The following NELL1 variants were observed in gnomAD, a reference collection of about 807,000 sequenced individuals.
NELL1 encodes protein kinase C-binding protein NELL1.
Under a neutral mutation model 107.4 loss-of-function variants are expected in NELL1, and 76 were observed. The observed-to-expected ratio is 0.71, with a 90% confidence interval of 0.59 to 0.86. The LOEUF (loss-of-function observed/expected upper bound fraction) is 0.86. Among genes scored for constraint, NELL1 ranks in the 40% least tolerant of loss-of-function variants. The pLI, the probability that NELL1 is intolerant of heterozygous loss-of-function variation, is 0.00. For synonymous variants in NELL1, 353 were observed against 341.2 expected (o/e 1.03, Z -0.38); for missense variants, 1,024 against 1,005.5 (o/e 1.02, Z -0.25).
At chr11:21,418,945 GTTGT>G (rs1424352568) in intron 15 of NELL1, among the ~76,000 whole-genome samples, 1 of 152,084 alleles carries the variant, frequency 6.6e-6, no homozygotes, top group African/African-American at 2.4e-5. Flanking sequence ...AGATGTTGAG[GTTGT>G]TTATTACTAC....
chr11:21,222,886 G>T (rs1186517719), intron 13 of NELL1, among the ~76,000 whole-genome samples: 1 of 151,742 alleles, frequency 6.6e-6, no homozygotes, highest in Non-Finnish European at 1.5e-5. Context: ...TTCTAGTTTT[G>T]TTCCATTGTG....
intron 16 of NELL1, among the ~76,000 whole-genome samples, chr11:21,541,394 A>G (rs1287708166): frequency 5.3e-5 from 8 of 152,150 alleles, no homozygotes; most frequent in African/African-American, 1.7e-4. Context: ...TGAAACAACC[A>G]AAAATGTTCC....
At chr11:21,159,155 A>G (rs1157025219) in intron 13 of NELL1, among the ~76,000 whole-genome samples, 1 of 152,056 alleles carries the variant, frequency 6.6e-6, no homozygotes, top group Non-Finnish European at 1.5e-5. Flanking sequence ...GTTCTCTAGA[A>G]CTGAACTCCA....
chr11:21,247,549 CA>C (rs764273788), intron 14 of NELL1, among the ~76,000 whole-genome samples: 11 of 152,128 alleles, frequency 7.2e-5, no homozygotes, highest in Admixed American at 2.6e-4. Flanking sequence ...AGAGGGTCTT[CA>C]GGGGCAATAG....
chr11:21,412,211 T>A, intron 15 of NELL1, among the ~76,000 whole-genome samples: 1 of 152,244 alleles, frequency 6.6e-6, no homozygotes, highest in Non-Finnish European at 1.5e-5. Flanking sequence ...GAAATTATAG[T>A]TATAAAAAAT....
chr11:21,565,216 C>G (rs1856942477), intron 17 of NELL1, among the ~76,000 whole-genome samples: 1 of 151,838 alleles, frequency 6.6e-6, no homozygotes, highest in African/African-American at 2.4e-5. Flanking sequence ...GTTTCTTTTC[C>G]TTGGAAAGAG....
At chr11:21,251,254 G>A (rs547731198) in intron 14 of NELL1, among the ~76,000 whole-genome samples, 1 of 152,192 alleles carries the variant, frequency 6.6e-6, no homozygotes, top group Admixed American at 6.5e-5. Context: ...GACAGTATGT[G>A]ATGGACAGTG....
At chr11:21,212,922 T>C (rs903283109) in intron 13 of NELL1, among the ~76,000 whole-genome samples, 1 of 152,172 alleles carries the variant, frequency 6.6e-6, no homozygotes, top group African/African-American at 2.4e-5. Context: ...TCAAGCTGTA[T>C]CTATTTACAG....
intron 13 of NELL1, among the ~76,000 whole-genome samples, chr11:21,204,360 G>C (rs919475107): frequency 2.0e-5 from 3 of 151,396 alleles, no homozygotes; most frequent in Non-Finnish European, 4.4e-5. Context: ...TCATTAAGTT[G>C]ATCTTCAATC....
chr11:21,489,594 C>T lies in NELL1; in HGVS notation c.1646-44780C>T, dbSNP rs141302201. Among the ~76,000 whole-genome samples the T allele has an allele frequency of 1.6e-3, 240 of 151,968 alleles. 3 individuals are homozygous for T. The highest frequency in any genetic ancestry group is 0.013 in the Admixed American group (204 of 15,260). ...CCAACAGTACGTGAAAAGGAAAATA[C>T]ACCATGACCAAGTGGGATTTACACC... On this transcript the variant is annotated intron_variant, in intron 15 of 19. Transcript: ENST00000357134.
rs372168019 is a variant in NELL1 at position 21,019,889 on chromosome 11, TG to T, written c.1300+59330del. 3.6e-3 allele frequency among the ~76,000 whole-genome samples: 543 copies of T among 152,224 alleles called. 3 individuals are homozygous for T. Among genetic ancestry groups the T allele is most frequent in the African/African-American group, 0.012 (506 of 41,554 alleles). ...TTCAGGTTTCTAGCCTAATAAGCCC[TG>T]CACTTACATCAACCACTGTTAGATT... is the stretch of plus-strand genomic sequence containing the variant. On this transcript the variant is annotated intron_variant, in intron 12 of 19. Transcript: ENST00000357134.
intron 14 of NELL1, among the ~76,000 whole-genome samples, chr11:21,311,239 A>C (rs1398606127): frequency 6.6e-6 from 1 of 152,202 alleles, no homozygotes. Context: ...ATGTTATAAA[A>C]TTATATTAGA....
Position 21,247,299 on chromosome 11 carries a change from A to G in NELL1, c.1549+17845A>G, listed in dbSNP as rs551044212. 6.6e-5 allele frequency among the ~76,000 whole-genome samples: 10 copies of G among 152,330 alleles called. No homozygotes were observed. In the South Asian group the frequency reaches 1.9e-3, roughly 28 times the overall value. ...TAGCTTATTATACCTTTTTTACTTTATAAACCTTTATATTTTAAAATCTTT... is the reference window on the plus strand; with the variant it reads ...TAGCTTATTATACCTTTTTTACTTTGTAAACCTTTATATTTTAAAATCTTT... On this transcript the variant is annotated intron_variant, in intron 14 of 19. Coordinates refer to ENST00000357134, the MANE Select transcript of NELL1 (RefSeq NM_006157.5).
chr11:21,408,614 GGTTGCCT>G (rs1852289948), intron 15 of NELL1, among the ~76,000 whole-genome samples: 1 of 151,932 alleles, frequency 6.6e-6, no homozygotes, highest in Non-Finnish European at 1.5e-5. Flanking sequence ...CCATTTTGTA[GGTTGCCT>G]GTTCACTCTG....
intron 15 of NELL1, among the ~76,000 whole-genome samples, chr11:21,450,954 G>C (rs1466068714): frequency 6.6e-6 from 1 of 152,108 alleles, no homozygotes; most frequent in Admixed American, 6.5e-5. Flanking sequence ...ACTTTGGGAG[G>C]CCGAGGCGGG....
intron 14 of NELL1, among the ~76,000 whole-genome samples, chr11:21,282,478 CA>C (rs35632941): frequency 0.32 from 24,140 of 74,406 alleles, 1,144 homozygotes; most frequent in Middle Eastern, 0.42. Flanking sequence ...GACTCTGTCT[CA>C]AAAAAAAAAA....
At chr11:20,803,914 C>T (rs902915109) in intron 3 of NELL1, among the ~76,000 whole-genome samples, 3 of 152,178 alleles carry the variant, frequency 2.0e-5, no homozygotes, top group Non-Finnish European at 4.4e-5. Context: ...TCCCAGCCTA[C>T]ATCTTTCTCT....
intron 12 of NELL1, among the ~76,000 whole-genome samples, chr11:21,041,232 A>G (rs1162312300): frequency 1.3e-5 from 2 of 152,180 alleles, no homozygotes; most frequent in African/African-American, 4.8e-5. Context: ...AAGTCTCTCC[A>G]CTGCTTTAAA....
chr11:21,343,686 C>T (rs1293325584), intron 14 of NELL1, among the ~76,000 whole-genome samples: 1 of 152,248 alleles, frequency 6.6e-6, no homozygotes, highest in South Asian at 2.1e-4. Flanking sequence ...AACACAAAAA[C>T]AGCCAAAGAC....
Sources: allele counts gnomAD v4.1 joint callset (sites outside exome capture counted in the v4.1 genomes callset), GRCh38; gene constraint gnomAD v4.1.1; transcripts MANE v1.5; gene names NCBI Gene and HGNC (gene_info 2026-07-23, HGNC 2026-07-21).